Variants in TSHZ2 observed in about 807,000 individuals in gnomAD.
TSHZ2 encodes the protein teashirt homolog 2.
A neutral mutation model predicts 74.4 loss-of-function variants in TSHZ2; 21 were observed. The ratio of observed to expected loss-of-function variants is 0.28; its 90% confidence interval spans 0.20 to 0.41. The LOEUF (loss-of-function observed/expected upper bound fraction) is 0.41. Among genes scored for constraint, TSHZ2 ranks in the 10% least tolerant of loss-of-function variants. The probability of loss-of-function intolerance (pLI) is 1.00; values close to 1 mark genes in which losing one functional copy is unlikely to be tolerated. For synonymous variants in TSHZ2, 540 were observed against 515.3 expected (o/e 1.05, Z -0.65); for missense variants, 1,244 against 1,293.5 (o/e 0.96, Z 0.59).
intron 1 of TSHZ2, among the ~76,000 whole-genome samples, chr20:53,000,620 C>A (rs1265628673): frequency 6.6e-6 from 1 of 151,884 alleles, no homozygotes; most frequent in African/African-American, 2.4e-5. Flanking sequence ...AGAAATCATG[C>A]AAGTTATAGA....
At chr20:53,480,484 T>C (rs1174046729) in intron 2 of TSHZ2, among the ~76,000 whole-genome samples, 1 of 151,784 alleles carries the variant, frequency 6.6e-6, no homozygotes, top group African/African-American at 2.4e-5. Context: ...GGAGGTTCAC[T>C]TGAGCCCAGG....
chr20:53,175,131 CTTTTTTTT>C (rs750453219), intron 1 of TSHZ2, among the ~76,000 whole-genome samples: 32 of 63,636 alleles, frequency 5.0e-4, no homozygotes, highest in African/African-American at 2.2e-3. Context: ...CTTCTTCTTT[CTTTTTTTT>C]TTTTTTTTTT....
chr20:53,417,231 GACACACACAGACACACACACACACACAC>G (rs1189004622), intron 2 of TSHZ2, among the ~76,000 whole-genome samples: 2 of 101,290 alleles, frequency 2.0e-5, no homozygotes, highest in Non-Finnish European at 3.9e-5. Flanking sequence ...TACAGACACA[GACACACACAGACACACACACACACACAC>G]ACACACACAC....
chr20:53,094,633 ACCT>A (rs1278195000), intron 1 of TSHZ2, among the ~76,000 whole-genome samples: 1 of 152,176 alleles, frequency 6.6e-6, no homozygotes, highest in Non-Finnish European at 1.5e-5. Flanking sequence ...ACTCTTGCTA[ACCT>A]TCCACACAGC....
intron 1 of TSHZ2, chr20:53,198,258 G>C (rs1179765892): frequency 6.6e-6 from 1 of 152,164 alleles, no homozygotes; most frequent in African/African-American, 2.4e-5. Context: ...CCATCATTCA[G>C]GTCATTACGG....
chr20:53,143,207 G>C lies in TSHZ2; in HGVS notation c.41-110292G>C, dbSNP rs992368218. ...AACATTTACTCACAGACCCCGACAG[G>C]CTTCTACAGAAGACTCACTCCTTTG... is the stretch of plus-strand genomic sequence containing the variant. On this transcript the variant is annotated intron_variant, in intron 1 of 2. Transcript: ENST00000371497. 8.5e-5 allele frequency among the ~76,000 whole-genome samples: 13 copies of C among 152,304 alleles called. No individual in the cohort carries two copies. The East Asian group carries it at 1.9e-3, about 23-fold the overall frequency.
intron 1 of TSHZ2, among the ~76,000 whole-genome samples, chr20:53,249,727 C>T (rs144575522): frequency 1.4e-4 from 22 of 152,176 alleles, no homozygotes; most frequent in Admixed American, 2.6e-4. Context: ...AAGAGAAGGC[C>T]GTGGGTGATG....
intron 1 of TSHZ2, among the ~76,000 whole-genome samples, chr20:53,206,133 C>A (rs1465306498): frequency 6.6e-6 from 1 of 152,168 alleles, no homozygotes; most frequent in Non-Finnish European, 1.5e-5. Flanking sequence ...GCAGGAGAAT[C>A]GTTTGAACCT....
chr20:53,344,559 C>T (rs1024213122), intron 2 of TSHZ2, among the ~76,000 whole-genome samples: 4 of 151,642 alleles, frequency 2.6e-5, no homozygotes, highest in African/African-American at 9.7e-5. Flanking sequence ...TATGAGAGAG[C>T]GAATGACAAA....
chr20:53,353,144 A>G (rs1293988361), intron 2 of TSHZ2, among the ~76,000 whole-genome samples: 1 of 152,346 alleles, frequency 6.6e-6, no homozygotes. Flanking sequence ...TTCGTAGAAA[A>G]TGATAGTCCA....
rs1986419947 is a variant in TSHZ2 at position 53,490,589 on chromosome 20, A to G, written c.*3454A>G. 6.6e-6 allele frequency: 1 copy of G among 152,266 alleles called. No individual in the cohort carries two copies. The highest frequency in any genetic ancestry group is 6.5e-5 in the Admixed American group (1 of 15,290). The allele number at this position is 152,266 out of a possible 1,614,324, so 9.4% of individuals were successfully genotyped here. On this transcript the variant is annotated 3_prime_UTR_variant, in exon 3 of 3. Coordinates refer to ENST00000371497, the MANE Select transcript of TSHZ2 (RefSeq NM_173485.6). ...TCACGGAATAAACTGGATAACCCAG[A>G]CAGTCCCCACAGAATTTCTTTCAGG...
chr20:53,076,911 AG>A (rs1985381499), intron 1 of TSHZ2, among the ~76,000 whole-genome samples: 1 of 152,246 alleles, frequency 6.6e-6, no homozygotes, highest in African/African-American at 2.4e-5. Flanking sequence ...GTTATAAACA[AG>A]ACCCTGATGT....
chr20:53,268,696 C>A (rs1215762022), intron 2 of TSHZ2, among the ~76,000 whole-genome samples: 8 of 152,184 alleles, frequency 5.3e-5, no homozygotes. Context: ...CACTAAACCC[C>A]AGGTTGCTCA....
chr20:53,253,572 A>G lies in TSHZ2; in HGVS notation c.114A>G (p.Ser38=), dbSNP rs148676748. The G allele has an allele frequency of 4.1e-4, 663 of 1,614,086 alleles. No homozygotes were observed. The African/African-American group carries it at 4.8e-3, about 12-fold the overall frequency. ...KEEEEEEDSG[S]VAQLQGGNDT... ...AGGAGGAGGAGGAGGACAGCGGTTC[A>G]GTAGCTCAACTGCAGGGTGGCAATG... The change falls in exon 2 of 3, where the codon TCA becomes TCG. Residue 38 remains serine (S), a synonymous_variant. Transcript: ENST00000371497.
At chr20:53,221,124 G>A (rs1989544861) in intron 1 of TSHZ2, among the ~76,000 whole-genome samples, 1 of 152,110 alleles carries the variant, frequency 6.6e-6, no homozygotes, top group Non-Finnish European at 1.5e-5. Flanking sequence ...GGTTTTATAT[G>A]GGGAAACCCC....
In TSHZ2 at chr20:53,253,812, A is replaced by T. The variant is rs149200649; in HGVS notation, c.354A>T (p.Ala118=). The change falls in exon 2 of 3, where the codon GCA becomes GCT. Residue 118 remains alanine, a synonymous_variant. Transcript: ENST00000371497. ...CTCACGTCAGGCTTCCAAACGAAGCACACAATTGCATGGATAAAATGACCG... is the reference window on the plus strand; with the variant it reads ...CTCACGTCAGGCTTCCAAACGAAGCTCACAATTGCATGGATAAAATGACCG... ...AHTHVRLPNE[A]HNCMDKMTAV... is the part of the protein sequence containing the mutation. 57 of 1,614,070 alleles carry T rather than the reference A, an allele frequency of 3.5e-5. No homozygotes were observed. In the Middle Eastern group the frequency reaches 9.9e-4, roughly 28 times the overall value.
chr20:53,369,426 G>A (rs902652512), intron 2 of TSHZ2, among the ~76,000 whole-genome samples: 8 of 151,984 alleles, frequency 5.3e-5, no homozygotes, highest in Non-Finnish European at 1.0e-4. Context: ...CCCTGAGGAG[G>A]CCGAGCGCTG....
At chr20:53,332,397 A>C (rs1979761874) in intron 2 of TSHZ2, among the ~76,000 whole-genome samples, 1 of 152,202 alleles carries the variant, frequency 6.6e-6, no homozygotes. Flanking sequence ...GCATGTTTCA[A>C]GTCAGAGGGG....
chr20:52,974,681 A>G (rs912361720), intron 1 of TSHZ2, among the ~76,000 whole-genome samples: 1 of 152,144 alleles, frequency 6.6e-6, no homozygotes, highest in Non-Finnish European at 1.5e-5. Context: ...AACAAATCCA[A>G]AGTTAGTTAG....
Sources: gnomAD v4.1 joint callset for allele counts (sites outside exome capture counted in the v4.1 genomes callset) on GRCh38, gnomAD v4.1.1 for gene constraint, MANE v1.5 for transcripts, NCBI Gene and HGNC (gene_info 2026-07-23, HGNC 2026-07-21) for gene names.